GAB2: variants seen among roughly 807,000 people sequenced by gnomAD.
The protein encoded by GAB2 is GRB2-associated-binding protein 2.
A neutral mutation model predicts 65.5 loss-of-function variants in GAB2; 26 were observed. The ratio of observed to expected loss-of-function variants is 0.40; its 90% CI spans 0.29 to 0.55. GAB2 has a LOEUF of 0.55. Ranked by LOEUF, GAB2 falls within the 20% of genes least tolerant of loss-of-function variation. GAB2 has a pLI of 0.53. For missense variants in GAB2, 884 were observed against 875.8 expected (o/e 1.01, Z -0.12); for synonymous variants, 321 against 329.6 (o/e 0.97, Z 0.28).
At chr11:78,342,860 T>C (rs1346870648) in intron 1 of GAB2, among the ~76,000 whole-genome samples, 1 of 152,190 alleles carries the variant, frequency 6.6e-6, no homozygotes, top group Non-Finnish European at 1.5e-5. Context: ...TCTTAAGCAC[T>C]TGCTGAAATA....
chr11:78,228,454 T>G (rs1474115034), intron 3 of GAB2, among the ~76,000 whole-genome samples: 1 of 152,220 alleles, frequency 6.6e-6, no homozygotes, highest in Non-Finnish European at 1.5e-5. Flanking sequence ...CGTATACATA[T>G]AAACTTGTTG....
intron 2 of GAB2, among the ~76,000 whole-genome samples, chr11:78,268,353 G>C (rs1865921800): frequency 6.6e-6 from 1 of 152,142 alleles, no homozygotes; most frequent in Non-Finnish European, 1.5e-5. Context: ...TGATTTTGTA[G>C]AGTTCTGAAT....
chr11:78,220,079 C>T (rs73509319), intron 9 of GAB2, among the ~76,000 whole-genome samples: 7,115 of 152,196 alleles, frequency 0.047, 558 homozygotes, highest in African/African-American at 0.16. Context: ...CTCTACAACA[C>T]GGGGGATGGG....
At chr11:78,310,218 A>C (rs1476152774) in intron 1 of GAB2, among the ~76,000 whole-genome samples, 2 of 151,874 alleles carry the variant, frequency 1.3e-5, no homozygotes, top group African/African-American at 4.8e-5. Flanking sequence ...AAAAACCAAA[A>C]TGAGCCGGGT....
At chr11:78,301,032 CG>C (rs1565149958) in intron 1 of GAB2, among the ~76,000 whole-genome samples, 1 of 152,018 alleles carries the variant, frequency 6.6e-6, no homozygotes, top group African/African-American at 2.4e-5. Context: ...TGATGATTAA[CG>C]ATGGTAAGCA....
intron 1 of GAB2, among the ~76,000 whole-genome samples, chr11:78,342,268 C>A (rs1464404880): frequency 1.3e-5 from 2 of 152,150 alleles, no homozygotes; most frequent in Non-Finnish European, 2.9e-5. Context: ...TCGCATTATT[C>A]CCAGCCTTAC....
At chr11:78,219,825 G>T (rs554022917) in intron 9 of GAB2, among the ~76,000 whole-genome samples, 1 of 152,268 alleles carries the variant, frequency 6.6e-6, no homozygotes, top group African/African-American at 2.4e-5. Flanking sequence ...GCCACCCTGT[G>T]AAGGGGAACC....
intron 1 of GAB2, among the ~76,000 whole-genome samples, chr11:78,296,451 C>T (rs1866830683): frequency 6.6e-6 from 1 of 152,214 alleles, no homozygotes; most frequent in Admixed American, 6.5e-5. Context: ...TTATCTAATA[C>T]ATGTATTTTC....
At chr11:78,325,809 T>C (rs1300236209) in intron 1 of GAB2, among the ~76,000 whole-genome samples, 1 of 152,178 alleles carries the variant, frequency 6.6e-6, no homozygotes, top group Admixed American at 6.5e-5. Context: ...CTCTAGAAAA[T>C]ATGCCAGTAG....
chr11:78,225,430 ACTACT>A (rs1864604855), intron 4 of GAB2, among the ~76,000 whole-genome samples: 1 of 152,148 alleles, frequency 6.6e-6, no homozygotes, highest in African/African-American at 2.4e-5. Flanking sequence ...GCTGTCCTTG[ACTACT>A]CTACCCTCAT....
chr11:78,219,926 T>G (rs892490353), intron 9 of GAB2, among the ~76,000 whole-genome samples: 3 of 152,088 alleles, frequency 2.0e-5, no homozygotes, highest in African/African-American at 7.2e-5. Context: ...GGAAGTCCCT[T>G]CTGAAGGCTG....
chr11:78,355,680 T>TTA (rs1554993324), intron 1 of GAB2, among the ~76,000 whole-genome samples: 6 of 79,146 alleles, frequency 7.6e-5, no homozygotes, highest in African/African-American at 2.9e-4. Context: ...CTGTCTCACT[T>TTA]AAAAAAAAAA....
chr11:78,376,730 G>A (rs1452238714), intron 1 of GAB2, among the ~76,000 whole-genome samples: 1 of 152,064 alleles, frequency 6.6e-6, no homozygotes, highest in Non-Finnish European at 1.5e-5. Context: ...TTGGAGGGGG[G>A]CACCGAGACT....
At chr11:78,285,594 AG>A (rs1361619586) in intron 1 of GAB2, among the ~76,000 whole-genome samples, 1 of 152,200 alleles carries the variant, frequency 6.6e-6, no homozygotes, top group African/African-American at 2.4e-5. Context: ...GCCTCTCTTC[AG>A]TAAATGGGAT....
At chr11:78,399,028 T>TA (rs1166800785) in intron 1 of GAB2, among the ~76,000 whole-genome samples, 2 of 152,144 alleles carry the variant, frequency 1.3e-5, no homozygotes, top group Non-Finnish European at 1.5e-5. Context: ...ATAATGATAC[T>TA]AAAAAATACC....
chr11:78,229,692 C>T (rs1864783753), intron 3 of GAB2, among the ~76,000 whole-genome samples: 1 of 152,210 alleles, frequency 6.6e-6, no homozygotes, highest in Non-Finnish European at 1.5e-5. Context: ...TAAGCCCAAA[C>T]TCCTAGGTTT....
intron 1 of GAB2, among the ~76,000 whole-genome samples, chr11:78,302,549 T>G (rs907169750): frequency 9.8e-5 from 14 of 142,970 alleles, no homozygotes; most frequent in African/African-American, 3.6e-4. Context: ...ATCGATGCAG[T>G]GAAAAGGGAA....
At chr11:78,302,446 A>C (rs4417308) in intron 1 of GAB2, among the ~76,000 whole-genome samples, 23,847 of 152,152 alleles carry the variant, frequency 0.16, 2,422 homozygotes, top group East Asian at 0.4. Flanking sequence ...CAACGTCACT[A>C]ATGATCAGGC....
intron 1 of GAB2, among the ~76,000 whole-genome samples, chr11:78,328,143 G>A (rs1009830647): frequency 1.3e-5 from 2 of 152,170 alleles, no homozygotes. Context: ...GCAAGATTCC[G>A]AGAAACGGAT....
Sources: allele counts gnomAD v4.1 joint callset (sites outside exome capture counted in the v4.1 genomes callset), GRCh38; gene constraint gnomAD v4.1.1; transcripts MANE v1.5; gene names NCBI Gene and HGNC (gene_info 2026-07-23, HGNC 2026-07-21).